Variants in DNAH11 observed in about 807,000 individuals in gnomAD.
The protein encoded by DNAH11 is dynein axonemal heavy chain 11.
DNAH11 carries 442 observed loss-of-function variants against 526.0 expected under a neutral mutation model. The observed-to-expected ratio is 0.84, with a 90% CI of 0.78 to 0.91. The LOEUF (loss-of-function observed/expected upper bound fraction) is 0.91, where lower values mean the gene tolerates loss of function less well. DNAH11 is among the 40% of genes least tolerant of loss of function. The pLI is 0.00. For missense variants in DNAH11, 6,989 were observed against 5,448.7 expected, an observed-to-expected ratio of 1.28 and a Z score of -8.90; for synonymous variants, 2,461 against 1,935.9, an observed-to-expected ratio of 1.27 and a Z score of -7.12.
At chr7:21,765,641 CACACACACACACACACA>C in intron 55 of DNAH11, 52 bp downstream of exon 55, 1 of 1,427,912 alleles carries the variant, frequency 7.0e-7, no homozygotes, top group East Asian at 2.6e-5. Flanking sequence ...CACACACACA[CACACACACACACACACA>C]CTCTGAAAAT....
chr7:21,654,129 G>A (rs6461591), intron 28 of DNAH11, among the ~76,000 whole-genome samples: 105,623 of 152,008 alleles, frequency 0.69, 36,735 homozygotes, highest in Admixed American at 0.76. Context: ...TGTTTTAAGT[G>A]TGCAATTCAA....
intron 6 of DNAH11, among the ~76,000 whole-genome samples, chr7:21,567,349 GT>G (rs1783711625): frequency 1.3e-5 from 2 of 152,276 alleles, no homozygotes; most frequent in South Asian, 2.1e-4. Flanking sequence ...TATTGATAAA[GT>G]TTTTGTGAAA....
At chr7:21,616,343 T>A in intron 22 of DNAH11, 51 bp downstream of exon 22, 1 of 1,405,452 alleles carries the variant, frequency 7.1e-7, no homozygotes, top group Non-Finnish European at 1.0e-6. Context: ...CAGCACCACC[T>A]CCTTCCATCT....
intron 65 of DNAH11, among the ~76,000 whole-genome samples, chr7:21,826,418 TATAAA>T (rs1384881999): frequency 1.3e-5 from 2 of 152,120 alleles, no homozygotes; most frequent in African/African-American, 2.4e-5. Context: ...TGGGAGAAAA[TATAAA>T]AGAAAATTAA....
chr7:21,631,205 G>C (rs1786588231), intron 25 of DNAH11, among the ~76,000 whole-genome samples: 1 of 152,098 alleles, frequency 6.6e-6, no homozygotes, highest in Non-Finnish European at 1.5e-5. Flanking sequence ...AACAGCATGG[G>C]AAGGACCTGC....
At chr7:21,662,963 A>G (rs527553392) in intron 30 of DNAH11, among the ~76,000 whole-genome samples, 4 of 152,008 alleles carry the variant, frequency 2.6e-5, no homozygotes, top group Admixed American at 6.6e-5. Flanking sequence ...TTAATTTCTC[A>G]TCATCCACCC....
chr7:21,607,361 C>G (rs1209649479), intron 20 of DNAH11, among the ~76,000 whole-genome samples: 1 of 152,090 alleles, frequency 6.6e-6, no homozygotes, highest in Non-Finnish European at 1.5e-5. Flanking sequence ...TTTGCCTCTC[C>G]CAGTCTCCTG....
chr7:21,725,421 G>T (rs1252302277), intron 44 of DNAH11, among the ~76,000 whole-genome samples: 1 of 152,092 alleles, frequency 6.6e-6, no homozygotes, highest in East Asian at 1.9e-4. Flanking sequence ...CATTGAAAGG[G>T]CCAGAGAAGC....
At position 21,704,466 on chromosome 7, in the gene DNAH11, G is replaced by T; in HGVS notation, c.6306G>T (p.Met2102Ile). 6.2e-7 allele frequency: 1 copy of T among 1,613,354 alleles called. No individual in the cohort carries two copies. The highest frequency in any genetic ancestry group is 1.1e-5 in the South Asian group (1 of 91,010). ...VLMRALRDFN[M>I]PKIVTDDIPV... The stretch of plus-strand genomic sequence containing the variant: ...TGAGAGCATTAAGGGATTTCAATAT[G>T]CCCAAAATAGTGACTGACGACATCC... The change falls in exon 38 of 82, where the codon ATG becomes ATT. Residue 2102 changes from methionine (M) to isoleucine (I), a missense_variant. Transcript: ENST00000409508.
rs1479385947 is a variant in DNAH11, at chr7:21,601,562, AC to A, written c.3595del (p.Leu1199SerfsTer17). On this transcript the variant is annotated frameshift_variant, in exon 18 of 82. Transcript: ENST00000409508. LOFTEE classifies it high-confidence loss of function. ...CTTTGAACCTCTAAAAGAAACGATC[AC>A]CCTCTTGGAAAGCTATGGCCAGAAG... is the stretch of plus-strand genomic sequence containing the variant. ...ELFEPLKETITLLESYGQKMP... is the reference protein window; with the variant it reads ...ELFEPLKETIXLLESYGQKMP... 1.9e-6 allele frequency: 3 copies of A among 1,609,600 alleles called. No homozygotes were observed. The highest frequency in any genetic ancestry group is 2.5e-6 in the Non-Finnish European group (3 of 1,176,736).
At chr7:21,577,362 C>T (rs1418905616) in intron 8 of DNAH11, among the ~76,000 whole-genome samples, 1 of 152,192 alleles carries the variant, frequency 6.6e-6, no homozygotes, top group Non-Finnish European at 1.5e-5. Context: ...TGCTCCAACT[C>T]CCACCCTTGC....
rs1237794350 is a variant in DNAH11, at chr7:21,873,354, C to T, written c.12048C>T (p.Tyr4016=). ...ERFSQGSHRD[Y]RVFMSAESAP... is the part of the protein sequence containing the mutation. ...TCAGCCAAGGAAGCCACAGAGATTA[C>T]AGGGTTTTCATGAGTGCTGAGTCTG... The change falls in exon 74 of 82, where the codon TAC becomes TAT. Residue 4016 remains tyrosine, a synonymous_variant. Transcript: ENST00000409508. 12 of 1,613,658 alleles carry T rather than the reference C, an allele frequency of 7.4e-6. No homozygotes were observed. Among genetic ancestry groups the T allele is most frequent in the Non-Finnish European group, 1.0e-5 (12 of 1,179,758 alleles).
intron 51 of DNAH11, among the ~76,000 whole-genome samples, chr7:21,747,991 G>T (rs879721216): frequency 2.6e-5 from 4 of 152,030 alleles, no homozygotes; most frequent in Non-Finnish European, 5.9e-5. Context: ...TTTTCTTTTT[G>T]GACTTTTGGT....
chr7:21,637,680 A>G lies in DNAH11; in HGVS notation c.4795A>G (p.Lys1599Glu). The G allele has an allele frequency of 6.4e-7, 1 of 1,569,560 alleles. No individual in the cohort carries two copies. Among genetic ancestry groups the G allele is most frequent in the Non-Finnish European group, 8.6e-7 (1 of 1,157,522 alleles). The change falls in exon 27 of 82, where the codon AAA becomes GAA. Residue 1599 changes from lysine (K) to glutamate (E), a missense_variant. Transcript: ENST00000409508. ...EATCRPNLYE[K>E]LKDLQSRLSL... is the part of the protein sequence containing the mutation. ...AACGTGCAGACCTAATCTCTATGAA[A>G]AACTTAAAGATTTACAGTCCAGGTA...
At chr7:21,621,737 A>G (rs373824140) in intron 25 of DNAH11, among the ~76,000 whole-genome samples, 14 of 152,262 alleles carry the variant, frequency 9.2e-5, no homozygotes, top group East Asian at 1.9e-4. Flanking sequence ...GATTATCTCA[A>G]TAGATGCAGA....
chr7:21,564,796 A>T (rs999513769), intron 6 of DNAH11, among the ~76,000 whole-genome samples: 2 of 152,174 alleles, frequency 1.3e-5, no homozygotes, highest in African/African-American at 4.8e-5. Context: ...GAAAATCCTA[A>T]AAAAGTAGTA....
At chr7:21,895,892 G>C (rs1219505742) in intron 79 of DNAH11, among the ~76,000 whole-genome samples, 5 of 152,110 alleles carry the variant, frequency 3.3e-5, no homozygotes, top group African/African-American at 7.2e-5. Flanking sequence ...ACCACATCCG[G>C]TTAATTTTTT....
In DNAH11 at chr7:21,715,865, C is replaced by A. The variant is rs937889247; in HGVS notation, c.6984-1910C>A. ...GGTAATTTATCTGATTTCCCCCTCC[C>A]ACCCCCACTTTTTTTCTCTCAAGCA... On this transcript the variant is annotated intron_variant, in intron 42 of 81. Transcript: ENST00000409508. Among the ~76,000 whole-genome samples, 8 of 147,070 alleles carry A rather than the reference C, an allele frequency of 5.4e-5. No individual in the cohort carries two copies. In the East Asian group the frequency reaches 1.0e-3, roughly 19 times the overall value.
intron 35 of DNAH11, among the ~76,000 whole-genome samples, chr7:21,697,163 T>A (rs192066220): frequency 1.9e-3 from 288 of 152,276 alleles, no homozygotes; most frequent in South Asian, 0.015. Context: ...CTTTAAGAAG[T>A]CTAAAATAAT....
Sources: gnomAD v4.1 joint callset for allele counts (sites outside exome capture counted in the v4.1 genomes callset) on GRCh38, gnomAD v4.1.1 for gene constraint, MANE v1.5 for transcripts, NCBI Gene and HGNC (gene_info 2026-07-23, HGNC 2026-07-21) for gene names.